Variants in TDP1 observed in about 807,000 individuals in gnomAD.
TDP1 encodes the protein tyr-DNA phosphodiesterase 1.
TDP1 carries 64 observed loss-of-function variants against 81.5 expected under a neutral mutation model. That is an observed-to-expected ratio of 0.79 (90% CI 0.64 to 0.97). The LOEUF is 0.97. Ranked by LOEUF, TDP1 falls within the 50% of genes least tolerant of loss-of-function variation. The pLI, the probability that TDP1 is intolerant of heterozygous loss-of-function variation, is 0.00. For missense variants in TDP1, 723 were observed against 743.8 expected, an observed-to-expected ratio of 0.97 and a Z score of 0.33; for synonymous variants, 256 against 264.3, an observed-to-expected ratio of 0.97 and a Z score of 0.30.
chr14:89,979,012 T>G (rs965657477), intron 7 of TDP1, among the ~76,000 whole-genome samples: 3 of 150,806 alleles, frequency 2.0e-5, no homozygotes, highest in African/African-American at 7.5e-5. Context: ...AATGTTCATG[T>G]TGTTTATTTG....
intron 16 of TDP1, among the ~76,000 whole-genome samples, chr14:90,037,593 C>T (rs978660316): frequency 6.6e-6 from 1 of 152,188 alleles, no homozygotes; most frequent in Non-Finnish European, 1.5e-5. Flanking sequence ...ACACTCTTTA[C>T]CCAAGTTCCT....
chr14:89,998,398 A>ATG lies in TDP1; in HGVS notation c.1541+4916_1541+4917insGT, dbSNP rs1566891000. Among the ~76,000 whole-genome samples, 181 of 114,516 alleles carry ATG rather than the reference A, an allele frequency of 1.6e-3. 5 individuals are homozygous for ATG. The highest frequency in any genetic ancestry group is 7.3e-3 in the African/African-American group (157 of 21,580). 75.1% of individuals were successfully genotyped at this position (114,516 alleles called of 152,430 possible). On this transcript the variant is annotated intron_variant, in intron 14 of 16. Coordinates refer to ENST00000335725, the MANE Select transcript of TDP1 (RefSeq NM_018319.4). ...TATATATATATATATATATATATAT[A>ATG]TATATATATATATATATATATATAT... is the stretch of plus-strand genomic sequence containing the variant.
At position 89,984,834 on chromosome 14, in the gene TDP1, T is replaced by A. The variant is rs35591929; in HGVS notation, c.1052+151T>A. ...GAGGGGATGAGCAGATTCTATCACA[T>A]CTGTATCTTGTGGTTCTCAGGCATT... is the stretch of plus-strand genomic sequence containing the variant. On this transcript the variant is annotated intron_variant, in intron 9 of 16. Transcript: ENST00000335725. 43 of 1,554,308 alleles carry A rather than the reference T, an allele frequency of 2.8e-5. No individual in the cohort carries two copies. The East Asian group carries it at 9.7e-4, about 35-fold the overall frequency.
chr14:89,977,263 T>C (rs550413553), intron 7 of TDP1, among the ~76,000 whole-genome samples: 1 of 152,350 alleles, frequency 6.6e-6, no homozygotes, highest in South Asian at 2.1e-4. Flanking sequence ...AAGATTGAGC[T>C]CGTGTCTTGA....
intron 12 of TDP1, 101 bp from the exon 13 acceptor site, chr14:89,991,811 GTTTTT>G: frequency 1.6e-6 from 2 of 1,282,012 alleles, no homozygotes; most frequent in Non-Finnish European, 2.1e-6. Flanking sequence ...AATAGAAGTA[GTTTTT>G]TTCCTGTTAC....
At chr14:89,998,414 A>ATG (rs1896875469) in intron 14 of TDP1, among the ~76,000 whole-genome samples, 28 of 100,788 alleles carry the variant, frequency 2.8e-4, no homozygotes, top group African/African-American at 7.8e-4. Flanking sequence ...ATATATATAT[A>ATG]TATATATATG....
At chr14:90,016,047 T>C (rs867718177) in intron 14 of TDP1, among the ~76,000 whole-genome samples, 52 of 131,858 alleles carry the variant, frequency 3.9e-4, no homozygotes, top group Middle Eastern at 7.5e-3. Context: ...TTTTTTTTTC[T>C]TTTTTTTTTT....
Position 89,973,938 on chromosome 14 carries a change from C to T in TDP1, c.757-1843C>T, listed in dbSNP as rs998570790. 1.8e-4 allele frequency among the ~76,000 whole-genome samples: 28 copies of T among 152,124 alleles called. 1 individual carries two copies. The highest frequency in any genetic ancestry group is 6.8e-4 in the African/African-American group (28 of 41,418). ...TGAGGGAGAGGGAGGAAGACAGACA[C>T]ATAGGCTGTCTGGTAGCTCTTGTAT... On this transcript the variant is annotated intron_variant, in intron 6 of 16. Coordinates refer to ENST00000335725, the MANE Select transcript of TDP1 (RefSeq NM_018319.4).
chr14:89,988,703 T>C, intron 10 of TDP1: 1 of 981,166 alleles, frequency 1.0e-6, no homozygotes, highest in Non-Finnish European at 1.2e-6. Context: ...GTCCATCTAC[T>C]CCATTAAAAA....
intron 14 of TDP1, among the ~76,000 whole-genome samples, chr14:90,004,544 C>T (rs1380550302): frequency 6.6e-6 from 1 of 152,210 alleles, no homozygotes; most frequent in Non-Finnish European, 1.5e-5. Flanking sequence ...AGCATGCCCC[C>T]AAGTGACCCA....
intron 3 of TDP1, 79 bp from the exon 4 acceptor site, chr14:89,966,068 T>A: frequency 9.7e-7 from 1 of 1,035,590 alleles, no homozygotes; most frequent in Non-Finnish European, 1.5e-6. Flanking sequence ...TGTCAGTGAC[T>A]GTTGAATGAG....
In TDP1 at chr14:90,019,418, T is replaced by C; in HGVS notation, c.1644T>C (p.Phe548=). 6.4e-7 allele frequency: 1 copy of C among 1,566,158 alleles called. No homozygotes were observed. The highest frequency in any genetic ancestry group is 8.8e-7 in the Non-Finnish European group (1 of 1,136,110). Residue 548 remains phenylalanine, a splice_region_variant and synonymous_variant, in exon 15 of 17, where the codon TTT becomes TTC. Transcript: ENST00000335725. Reference sequence around the variant, plus strand: ...GGGTCCTTTTCCTCCCTTCAGCATTTGTAAGTTTACACTTCCAACTGCACA... The same window carrying C: ...GGGTCCTTTTCCTCCCTTCAGCATTCGTAAGTTTACACTTCCAACTGCACA... The part of the protein sequence containing the change: ...ELGVLFLPSA[F]GLDSFKVKQK...
At chr14:90,036,346 A>C (rs1173198063) in intron 16 of TDP1, among the ~76,000 whole-genome samples, 1 of 152,194 alleles carries the variant, frequency 6.6e-6, no homozygotes, top group Admixed American at 6.5e-5. Context: ...GGCATTTACC[A>C]AGATTGAAAA....
At chr14:89,992,877 T>C (rs1045966634) in intron 13 of TDP1, 1 of 962,016 alleles carries the variant, frequency 1.0e-6, no homozygotes, top group African/African-American at 1.8e-5. Context: ...CAAACTCAGA[T>C]TTGTGAATGT....
intron 14 of TDP1, among the ~76,000 whole-genome samples, chr14:89,998,494 T>C (rs894539198): frequency 4.7e-5 from 7 of 148,012 alleles, no homozygotes; most frequent in Non-Finnish European, 7.4e-5. Context: ...CTTATAGCCG[T>C]TCTACAGTGT....
At chr14:90,042,899 A>C in intron 16 of TDP1, 171 bp from the exon 17 acceptor site, 1 of 985,396 alleles carries the variant, frequency 1.0e-6, no homozygotes, top group Non-Finnish European at 1.2e-6. Context: ...TCCTAATAGG[A>C]GCCTTCGCTA....
At chr14:90,037,266 C>T (rs529535091) in intron 16 of TDP1, among the ~76,000 whole-genome samples, 41 of 152,312 alleles carry the variant, frequency 2.7e-4, no homozygotes, top group Non-Finnish European at 4.0e-4. Context: ...ATCTGTTTTG[C>T]ACTCCCTTCT....
intron 8 of TDP1, among the ~76,000 whole-genome samples, chr14:89,983,862 G>T (rs1213542108): frequency 6.6e-6 from 1 of 152,200 alleles, no homozygotes; most frequent in Non-Finnish European, 1.5e-5. Flanking sequence ...TGTCTGTAAT[G>T]CTTCTTCAGT....
At chr14:90,028,831 C>T (rs1387578487) in intron 15 of TDP1, among the ~76,000 whole-genome samples, 1 of 152,158 alleles carries the variant, frequency 6.6e-6, no homozygotes, top group Non-Finnish European at 1.5e-5. Context: ...GGGTCGAGCA[C>T]ACAGCCTCAG....
Sources: gnomAD v4.1 joint callset for allele counts (sites outside exome capture counted in the v4.1 genomes callset) on GRCh38, gnomAD v4.1.1 for gene constraint, MANE v1.5 for transcripts, NCBI Gene and HGNC (gene_info 2026-07-23, HGNC 2026-07-21) for gene names.